Variants in CFAP74 observed in about 807,000 individuals in gnomAD.
CFAP74 encodes the protein cilia- and flagella-associated protein 74.
A neutral mutation model predicts 188.9 loss-of-function variants in CFAP74; 124 were observed. The ratio of observed to expected loss-of-function variants is 0.66; its 90% confidence interval spans 0.57 to 0.76. CFAP74 has a LOEUF of 0.76. Ranked by LOEUF, CFAP74 falls within the 30% of genes least tolerant of loss-of-function variation. The pLI, the probability that CFAP74 is intolerant of heterozygous loss-of-function variation, is 0.00. For synonymous variants in CFAP74, 956 were observed against 916.7 expected, an observed-to-expected ratio of 1.04 and a Z score of -0.77; for missense variants, 2,198 against 2,165.2, an observed-to-expected ratio of 1.02 and a Z score of -0.30.
chr1:1,934,350 GTGGGTGTTAGGTTGTAGGTACACACA>G lies in CFAP74; in HGVS notation c.3012-4040_3012-4015del, dbSNP rs1557996207. The stretch of plus-strand genomic sequence containing the variant: ...AGGTTGTAGGTACACAGGTGTATAC[GTGGGTGTTAGGTTGTAGGTACACACA>G]TGTGTACGTGTGTGTTAGGTTGTAG... On this transcript the variant is annotated intron_variant, in intron 25 of 38. Transcript: ENST00000682832. Among the ~76,000 whole-genome samples the G allele has an allele frequency of 2.0e-3, 295 of 145,618 alleles. 2 individuals carry two copies. The highest frequency in any genetic ancestry group is 3.3e-3 in the Non-Finnish European group (217 of 65,330).
At chr1:1,985,693 C>T (rs917115969) in intron 5 of CFAP74, among the ~76,000 whole-genome samples, 13 of 152,246 alleles carry the variant, frequency 8.5e-5, no homozygotes, top group African/African-American at 2.9e-4. Flanking sequence ...CATGGCACAG[C>T]CCCAGGGGGA....
chr1:1,924,403 T>G lies in CFAP74; in HGVS notation c.4222A>C (p.Thr1408Pro). 1.3e-6 allele frequency: 1 copy of G among 747,156 alleles called. No individual in the cohort carries two copies. The highest frequency in any genetic ancestry group is 1.8e-6 in the Non-Finnish European group (1 of 562,258). 46.3% of individuals were successfully genotyped at this position (747,156 alleles called of 1,614,324 possible). A position where few individuals can be genotyped will look rare whatever the true frequency, so the allele number is the denominator to read the frequency against. Residue 1408 changes from threonine (T) to proline (P), a missense_variant, in exon 34 of 39, where the codon ACG becomes CCG. Thr to Pro is a conservative substitution (Grantham distance 38). Transcript: ENST00000682832. ...ACCCCCCGCTCACCGACCACCTCCGTCCTCTGGGAGGGCGAGCTGAGGAAC... is the reference window on the plus strand; with the variant it reads ...ACCCCCCGCTCACCGACCACCTCCGGCCTCTGGGAGGGCGAGCTGAGGAAC... Reference protein sequence around the residue: ...PQFLSSPSQRTEVVGTQNLNG... With the variant: ...PQFLSSPSQRPEVVGTQNLNG...
rs115047896 is a variant in CFAP74 at position 1,923,140 on chromosome 1, A to G, written c.4528T>C (p.Ser1510Pro). The change falls in exon 37 of 39, where the codon TCC (serine) becomes CCC (proline). Residue 1510 changes from serine to proline, a missense_variant. Ser to Pro is a moderately conservative substitution (Grantham distance 74). Coordinates refer to ENST00000682832, the MANE Select transcript of CFAP74 (RefSeq NM_001304360.2). This position sits in a 1 kb window ranked among gnomAD's most constrained non-coding sequence, Gnocchi z 6.3. ...VFDPRHREAS[S>P]RPGPLSPEAE... ...TCTGGAGAGAGAGGGCCTGGCCGGGAGCTGGCTGGAGGGGTGTGGCCAGGG... is the reference window on the plus strand; with the variant it reads ...TCTGGAGAGAGAGGGCCTGGCCGGGGGCTGGCTGGAGGGGTGTGGCCAGGG... 4,529 of 1,606,982 alleles carry G rather than the reference A, an allele frequency of 2.8e-3. 87 individuals are homozygous for G. The African/African-American group carries it at 0.045, about 16-fold the overall frequency.
intron 1 of CFAP74, among the ~76,000 whole-genome samples, chr1:2,001,334 G>GT (rs1187028525): frequency 0.013 from 1,836 of 143,432 alleles, 35 homozygotes; most frequent in African/African-American, 0.038. Flanking sequence ...TTTTCATTTT[G>GT]TTTTTTTTTT....
chr1:1,941,879 A>G (rs1653399496), intron 22 of CFAP74, 149 bp downstream of exon 22: 1 of 805,640 alleles, frequency 1.2e-6, no homozygotes, highest in Non-Finnish European at 1.7e-6. Flanking sequence ...ACTGCCCCCC[A>G]GCGTCATGGC....
Position 1,938,942 on chromosome 1 carries a change from AG to A in CFAP74, c.2923del (p.Leu975TrpfsTer8). ...GATCACACAGAACTGCAGCGTTTCC[AG>A]GGGCAGGATCGTCCCAAACCCATCG... ...PNDGFGTILP[L>X]ETLQFCVIFQ... On this transcript the variant is annotated frameshift_variant, in exon 25 of 39. Transcript: ENST00000682832. LOFTEE classifies it high-confidence loss of function. 1 of 1,535,968 alleles carries A rather than the reference AG, an allele frequency of 6.5e-7. No homozygotes were observed. Among genetic ancestry groups the A allele is most frequent in the South Asian group, 1.2e-5 (1 of 83,946 alleles).
chr1:1,934,629 A>G (rs1327251021), intron 25 of CFAP74, among the ~76,000 whole-genome samples: 3 of 127,384 alleles, frequency 2.4e-5, no homozygotes, highest in Non-Finnish European at 3.4e-5. Context: ...TTGTAGGTAC[A>G]CACGTGTGTA....
intron 18 of CFAP74, chr1:1,954,585 C>T (rs1654412689): frequency 6.1e-6 from 1 of 164,154 alleles, no homozygotes; most frequent in Non-Finnish European, 1.3e-5. Context: ...GAGTTCCACA[C>T]CAGCCTGGGA....
At chr1:1,961,618 T>C (rs1317153190) in intron 14 of CFAP74, among the ~76,000 whole-genome samples, 2 of 151,678 alleles carry the variant, frequency 1.3e-5, no homozygotes, top group African/African-American at 2.4e-5. Context: ...CATGGATCAA[T>C]GAGAGAAACA....
intron 6 of CFAP74, among the ~76,000 whole-genome samples, chr1:1,977,901 G>A (rs565136399): frequency 2.6e-5 from 4 of 152,172 alleles, no homozygotes; most frequent in Non-Finnish European, 4.4e-5. Context: ...GTGCAGTGGC[G>A]CAGTCTCAGC....
intron 18 of CFAP74, chr1:1,955,086 A>T: frequency 7.8e-7 from 1 of 1,274,200 alleles, no homozygotes; most frequent in South Asian, 1.3e-5. Context: ...AGTGCGGCTC[A>T]CACAGGCTGT....
At chr1:1,970,962 TC>T (rs921209656) in intron 9 of CFAP74, 146 bp from the exon 10 acceptor site, 7 of 936,394 alleles carry the variant, frequency 7.5e-6, no homozygotes, top group African/African-American at 5.5e-5. Context: ...CATGCACACA[TC>T]ACACATGCAC....
At chr1:1,960,127 T>TCCTCCCCATCCCGGGCCTGGCCC (rs755231355) in intron 14 of CFAP74, 97 bp from the exon 15 acceptor site, 63 of 1,038,666 alleles carry the variant, frequency 6.1e-5, no homozygotes, top group African/African-American at 1.4e-4. Flanking sequence ...CCTCCTGGCC[T>TCCTCCCCATCCCGGGCCTGGCCC]CCTCCCCATC....
chr1:1,987,375 G>C (rs1657307317), intron 4 of CFAP74, among the ~76,000 whole-genome samples: 1 of 152,142 alleles, frequency 6.6e-6, no homozygotes, highest in African/African-American at 2.4e-5. Context: ...CCCACGGGAG[G>C]GGAGGAGCTG....
intron 11 of CFAP74, among the ~76,000 whole-genome samples, chr1:1,967,943 G>C (rs1411125141): frequency 7.3e-6 from 1 of 136,064 alleles, no homozygotes; most frequent in Non-Finnish European, 1.6e-5. Context: ...ATGAATGAAT[G>C]AGTGAATCAG....
At chr1:1,950,118 G>T (rs1654113326) in intron 18 of CFAP74, among the ~76,000 whole-genome samples, 1 of 152,136 alleles carries the variant, frequency 6.6e-6, no homozygotes, top group Non-Finnish European at 1.5e-5. Flanking sequence ...GGCAGCATTA[G>T]AATTCCAGCT....
At chr1:1,971,370 C>T (rs868541005) in intron 9 of CFAP74, among the ~76,000 whole-genome samples, 130 of 150,142 alleles carry the variant, frequency 8.7e-4, no homozygotes, top group African/African-American at 2.7e-3. Context: ...TGCACACACA[C>T]GGTCACACAT....
At chr1:1,955,989 C>T (rs545149274) in intron 17 of CFAP74, 139 bp from the exon 18 acceptor site, 2 of 1,410,614 alleles carry the variant, frequency 1.4e-6, no homozygotes, top group South Asian at 3.0e-5. Context: ...GCCTCCTCGG[C>T]TGCCTGCTCT....
At chr1:1,985,581 C>A in intron 5 of CFAP74, 91 bp from the exon 6 acceptor site, 1 of 1,027,320 alleles carries the variant, frequency 9.7e-7, no homozygotes, top group Non-Finnish European at 1.5e-6. Flanking sequence ...GGCCTCCTCT[C>A]GCTCAGGAGG....
Sources: gnomAD v4.1 joint callset for allele counts (sites outside exome capture counted in the v4.1 genomes callset) on GRCh38, gnomAD v4.1.1 for gene constraint, Gnocchi (gnomAD v3.1) non-coding constraint, MANE v1.5 for transcripts, NCBI Gene and HGNC (gene_info 2026-07-23, HGNC 2026-07-21) for gene names.